Variants in SGCZ observed in about 807,000 individuals in gnomAD.
SGCZ encodes zeta-sarcoglycan.
SGCZ carries 40 observed loss-of-function variants against 41.3 expected under a neutral mutation model. The ratio of observed to expected loss-of-function variants is 0.97; its 90% CI spans 0.75 to 1.26. The LOEUF is 1.26. SGCZ is among the 50% of genes most tolerant of loss of function. SGCZ has a pLI of 0.00. For synonymous variants in SGCZ, 206 were observed against 137.5 expected (o/e 1.50, Z -3.49); for missense variants, 552 against 369.8 (o/e 1.49, Z -4.04).
At chr8:15,024,727 G>C (rs1395068133) in intron 1 of SGCZ, among the ~76,000 whole-genome samples, 2 of 152,148 alleles carry the variant, frequency 1.3e-5, no homozygotes, top group Middle Eastern at 3.4e-3. Context: ...ATGAGGTCAG[G>C]AGATCGAGAC....
At chr8:15,213,656 T>A (rs528534100) in intron 1 of SGCZ, among the ~76,000 whole-genome samples, 8 of 151,926 alleles carry the variant, frequency 5.3e-5, no homozygotes, top group African/African-American at 1.9e-4. Context: ...TATAGAAATC[T>A]CTCTACATTT....
At chr8:14,917,545 T>C (rs1017675491) in intron 1 of SGCZ, among the ~76,000 whole-genome samples, 6 of 152,092 alleles carry the variant, frequency 3.9e-5, no homozygotes, top group African/African-American at 1.2e-4. Flanking sequence ...CTTCTATTAG[T>C]TTCAACATTT....
intron 3 of SGCZ, among the ~76,000 whole-genome samples, chr8:14,262,177 C>A (rs1799695889): frequency 6.6e-6 from 1 of 152,022 alleles, no homozygotes; most frequent in South Asian, 2.1e-4. Flanking sequence ...CTTCAGTTCT[C>A]CAAGTAAAAC....
chr8:14,943,619 T>C (rs1800347657), intron 1 of SGCZ, among the ~76,000 whole-genome samples: 1 of 152,138 alleles, frequency 6.6e-6, no homozygotes, highest in African/African-American at 2.4e-5. Flanking sequence ...GTTTGTTCAA[T>C]AGGTAAACTG....
At chr8:14,797,966 C>T (rs1801192133) in intron 1 of SGCZ, among the ~76,000 whole-genome samples, 2 of 152,194 alleles carry the variant, frequency 1.3e-5, no homozygotes, top group Admixed American at 1.3e-4. Flanking sequence ...ACCTGGATTT[C>T]AGAGGATGTA....
At chr8:14,547,671 T>C (rs35321922) in intron 2 of SGCZ, among the ~76,000 whole-genome samples, 1 of 152,132 alleles carries the variant, frequency 6.6e-6, no homozygotes, top group African/African-American at 2.4e-5. Flanking sequence ...AATATCTCCA[T>C]GAGATCAACA....
intron 2 of SGCZ, among the ~76,000 whole-genome samples, chr8:14,396,546 T>C (rs1464291923): frequency 6.6e-6 from 1 of 152,056 alleles, no homozygotes; most frequent in Non-Finnish European, 1.5e-5. Context: ...CATAAACATG[T>C]AAACTTTCTC....
intron 4 of SGCZ, among the ~76,000 whole-genome samples, chr8:14,234,452 T>C (rs187946672): frequency 6.6e-6 from 1 of 152,196 alleles, no homozygotes; most frequent in East Asian, 1.9e-4. Flanking sequence ...GAATAAAATA[T>C]GGAAAATACT....
At chr8:14,666,733 C>T (rs979365325) in intron 1 of SGCZ, among the ~76,000 whole-genome samples, 2 of 141,672 alleles carry the variant, frequency 1.4e-5, no homozygotes, top group Non-Finnish European at 3.1e-5. Flanking sequence ...TTCTGAAAAA[C>T]ATGACAACAA....
At chr8:15,031,069 G>A (rs189499519) in intron 1 of SGCZ, among the ~76,000 whole-genome samples, 302 of 151,642 alleles carry the variant, frequency 2.0e-3, no homozygotes, top group African/African-American at 7.1e-3. Context: ...TATTTCGCGT[G>A]TGTGTGTGTG....
rs187365769 is a variant in SGCZ, at chr8:14,338,992, T to C, written c.235-14788A>G. On this transcript the variant is annotated intron_variant, in intron 2 of 7. Transcript: ENST00000382080. The stretch of plus-strand genomic sequence containing the variant: ...GTAAGGCTGATGCTCAAAAATGAAA[T>C]TGAACTTTAATCTATGTTAGAGAAA... Among the ~76,000 whole-genome samples, 153 of 152,282 alleles carry C rather than the reference T, an allele frequency of 1.0e-3. 1 individual carries two copies. The highest frequency in any genetic ancestry group is 3.5e-3 in the African/African-American group (146 of 41,550).
chr8:14,305,352 A>C (rs2116982708), intron 3 of SGCZ, among the ~76,000 whole-genome samples: 1 of 152,262 alleles, frequency 6.6e-6, no homozygotes, highest in South Asian at 2.1e-4. Context: ...TAATACTTAT[A>C]ATGCTTATTT....
At chr8:14,842,635 T>C (rs1022326548) in intron 1 of SGCZ, among the ~76,000 whole-genome samples, 14 of 152,274 alleles carry the variant, frequency 9.2e-5, no homozygotes, top group African/African-American at 2.6e-4. Flanking sequence ...ACAGTGCTTA[T>C]AAGCCTGTTT....
chr8:14,499,796 C>A (rs1199637202), intron 2 of SGCZ, among the ~76,000 whole-genome samples: 7 of 152,022 alleles, frequency 4.6e-5, no homozygotes, highest in Admixed American at 4.6e-4. Context: ...CTTCCTTTGG[C>A]ATCCCCTAGC....
chr8:14,360,864 T>C (rs1563279398), intron 2 of SGCZ, among the ~76,000 whole-genome samples: 1 of 152,174 alleles, frequency 6.6e-6, no homozygotes, highest in Non-Finnish European at 1.5e-5. Context: ...CACTTTTTTG[T>C]TGTTGTTTTC....
intron 1 of SGCZ, among the ~76,000 whole-genome samples, chr8:14,620,550 G>T (rs1362187236): frequency 6.6e-6 from 1 of 151,632 alleles, no homozygotes. Flanking sequence ...TCTGACAAAG[G>T]GCTAATATCC....
Position 15,112,005 on chromosome 8 carries a change from G to A in SGCZ, c.39+125580C>T, listed in dbSNP as rs1585574765. On this transcript the variant is annotated intron_variant, in intron 1 of 7. Transcript: ENST00000382080. ...TCTTTGTAAAACACGCCAAGAACCT[G>A]GACATACCACACTCAAGGCCTGCCT... is the stretch of plus-strand genomic sequence containing the variant. Among the ~76,000 whole-genome samples the A allele has an allele frequency of 3.9e-5, 6 of 152,170 alleles. 1 individual carries two copies. In the South Asian group the frequency reaches 1.2e-3, roughly 32 times the overall value.
At chr8:14,572,982 C>G (rs1804600649) in intron 1 of SGCZ, among the ~76,000 whole-genome samples, 1 of 152,100 alleles carries the variant, frequency 6.6e-6, no homozygotes, top group Admixed American at 6.6e-5. Context: ...AATACACTGT[C>G]TCTAATGTTC....
chr8:14,604,618 G>A (rs947984640), intron 1 of SGCZ, among the ~76,000 whole-genome samples: 6 of 152,056 alleles, frequency 3.9e-5, no homozygotes, highest in Non-Finnish European at 8.8e-5. Flanking sequence ...ATTCCTCCAA[G>A]ATATGACTGT....
Sources: allele counts gnomAD v4.1 joint callset (sites outside exome capture counted in the v4.1 genomes callset), GRCh38; gene constraint gnomAD v4.1.1; transcripts MANE v1.5; gene names NCBI Gene and HGNC (gene_info 2026-07-23, HGNC 2026-07-21).